PNLIPRP3: variants seen among roughly 807,000 people sequenced by gnomAD.
PNLIPRP3 encodes pancreatic lipase-related protein 3.
A neutral mutation model predicts 52.8 loss-of-function variants in PNLIPRP3; 58 were observed. The observed-to-expected ratio is 1.10, with a 90% CI of 0.89 to 1.37. The LOEUF is 1.37. PNLIPRP3 is among the 40% of genes most tolerant of loss of function. The pLI, the probability that PNLIPRP3 is intolerant of heterozygous loss-of-function variation, is 0.00. For synonymous variants in PNLIPRP3, 192 were observed against 185.0 expected, an observed-to-expected ratio of 1.04 and a Z score of -0.31; for missense variants, 593 against 561.6, an observed-to-expected ratio of 1.06 and a Z score of -0.57.
At chr10:116,476,035 G>T (rs1262866849) in intron 10 of PNLIPRP3, among the ~76,000 whole-genome samples, 1 of 152,110 alleles carries the variant, frequency 6.6e-6, no homozygotes, top group Non-Finnish European at 1.5e-5. Flanking sequence ...GAGAATTTTT[G>T]CATGATGGGG....
chr10:116,463,251 T>C (rs1295298149), intron 7 of PNLIPRP3, among the ~76,000 whole-genome samples: 2 of 152,160 alleles, frequency 1.3e-5, no homozygotes, highest in African/African-American at 4.8e-5. Context: ...GGGTCAGAAT[T>C]CAGGCAGAGT....
At chr10:116,469,801 A>G (rs1846337440) in intron 9 of PNLIPRP3, among the ~76,000 whole-genome samples, 1 of 152,160 alleles carries the variant, frequency 6.6e-6, no homozygotes, top group Admixed American at 6.5e-5. Context: ...CTTGTGTCCC[A>G]AGTGGAGAGG....
chr10:116,469,418 C>G, intron 9 of PNLIPRP3, 101 bp downstream of exon 9: 1 of 1,211,782 alleles, frequency 8.3e-7, no homozygotes, highest in Non-Finnish European at 1.1e-6. Context: ...GGGCATTAGG[C>G]CAGACTGGGA....
intron 9 of PNLIPRP3, 73 bp from the exon 10 acceptor site, chr10:116,471,695 G>T: frequency 8.8e-7 from 1 of 1,134,512 alleles, no homozygotes; most frequent in Non-Finnish European, 1.3e-6. Context: ...TCCATTAAAG[G>T]ATCCAGGAAG....
At chr10:116,463,348 TGAG>T (rs1801210146) in intron 7 of PNLIPRP3, among the ~76,000 whole-genome samples, 1 of 152,204 alleles carries the variant, frequency 6.6e-6, no homozygotes, top group Non-Finnish European at 1.5e-5. Context: ...CTAAGCTGGA[TGAG>T]GAGGTCTGAG....
chr10:116,459,724 C>T (rs1846164011), intron 5 of PNLIPRP3, among the ~76,000 whole-genome samples: 1 of 152,164 alleles, frequency 6.6e-6, no homozygotes, highest in Non-Finnish European at 1.5e-5. Context: ...CTTACCTTTG[C>T]CCTGGCCAAT....
At chr10:116,465,048 G>A (rs1846258427) in intron 7 of PNLIPRP3, among the ~76,000 whole-genome samples, 1 of 152,154 alleles carries the variant, frequency 6.6e-6, no homozygotes, top group Non-Finnish European at 1.5e-5. Context: ...TGGTGGAGAA[G>A]AGTTTTATCG....
rs71010080 is a variant in PNLIPRP3, at chr10:116,433,114, C to CAAAAAAAAAAAAAAAAAAAAAAAAAAA, written c.50-3591_50-3565dup. Among the ~76,000 whole-genome samples, 2 of 8,502 alleles carry CAAAAAAAAAAAAAAAAAAAAAAAAAAA rather than the reference C, an allele frequency of 2.4e-4. 1 individual carries two copies. Among genetic ancestry groups the CAAAAAAAAAAAAAAAAAAAAAAAAAAA allele is most frequent in the Non-Finnish European group, 3.7e-4 (2 of 5,360 alleles). The allele number at this position is 8,502 out of a possible 152,430, so 5.6% of individuals were successfully genotyped here. A position where few individuals can be genotyped will look rare whatever the true frequency, so the allele number is the denominator to read the frequency against. ...GAGCAACAAGAGTAAAACTCCATCT[C>CAAAAAAAAAAAAAAAAAAAAAAAAAAA]AAAAAAAAAAAAAAAAAAAAAAAAA... On this transcript the variant is annotated intron_variant, in intron 1 of 11. Transcript: ENST00000369230.
At chr10:116,448,984 C>A (rs998645796) in intron 4 of PNLIPRP3, among the ~76,000 whole-genome samples, 3 of 150,238 alleles carry the variant, frequency 2.0e-5, no homozygotes, top group Admixed American at 6.7e-5. Flanking sequence ...CCATTACACT[C>A]CAGCCTTGGC....
intron 4 of PNLIPRP3, among the ~76,000 whole-genome samples, chr10:116,454,150 G>A (rs539117716): frequency 2.0e-5 from 3 of 151,900 alleles, no homozygotes; most frequent in Non-Finnish European, 4.4e-5. Flanking sequence ...ACGGAGTTTC[G>A]CTCTGTTGCC....
intron 2 of PNLIPRP3, among the ~76,000 whole-genome samples, chr10:116,437,672 G>T (rs1005533455): frequency 1.3e-5 from 2 of 152,176 alleles, no homozygotes; most frequent in Non-Finnish European, 2.9e-5. Context: ...GGCTGCTGTT[G>T]CTCTCTTGTC....
intron 4 of PNLIPRP3, among the ~76,000 whole-genome samples, chr10:116,445,072 T>C (rs1173688629): frequency 6.6e-6 from 1 of 152,168 alleles, no homozygotes; most frequent in Non-Finnish European, 1.5e-5. Context: ...TAAAATGCAG[T>C]GTAGTAAAAT....
intron 1 of PNLIPRP3, among the ~76,000 whole-genome samples, chr10:116,431,024 G>A (rs1845702803): frequency 6.6e-6 from 1 of 152,000 alleles, no homozygotes; most frequent in Non-Finnish European, 1.5e-5. Flanking sequence ...ACAATTAATG[G>A]CCTTCCAGAT....
rs1228810276 is a variant in PNLIPRP3, at chr10:116,428,067, A to T, written c.49+6A>T. On this transcript the variant is annotated splice_donor_region_variant and intron_variant, in intron 1 of 11. Transcript: ENST00000369230. The stretch of plus-strand genomic sequence containing the variant: ...GTTCTTTGGCACATCAAGAGGTAAG[A>T]TTCATAATTTATAATAAGTTCTTTA... 21 of 1,591,670 alleles carry T rather than the reference A, an allele frequency of 1.3e-5. No homozygotes were observed. The highest frequency in any genetic ancestry group is 1.8e-5 in the Non-Finnish European group (21 of 1,161,390).
chr10:116,436,683 A>G (rs1342500223), intron 1 of PNLIPRP3, 28 bp from the exon 2 acceptor site: 4 of 1,581,306 alleles, frequency 2.5e-6, no homozygotes, highest in Non-Finnish European at 3.4e-6. Context: ...TGGTTCCTCT[A>G]TACTGACACT....
chr10:116,445,990 T>C (rs1455181381), intron 4 of PNLIPRP3, among the ~76,000 whole-genome samples: 1 of 152,150 alleles, frequency 6.6e-6, no homozygotes, highest in Non-Finnish European at 1.5e-5. Flanking sequence ...GGATAAGGGC[T>C]GAGAGTGATC....
In PNLIPRP3 at chr10:116,476,999, G is replaced by T. The variant is rs370512428; in HGVS notation, c.1341-91G>T. ...TATGTGCAGAAGTGTTAGAAAATAA[G>T]AATTACTCATTAAATCGGGGGATCT... On this transcript the variant is annotated intron_variant, in intron 11 of 11. Coordinates refer to ENST00000369230, the MANE Select transcript of PNLIPRP3 (RefSeq NM_001011709.3). 26 of 1,240,200 alleles carry T rather than the reference G, an allele frequency of 2.1e-5. 1 individual carries two copies. Among genetic ancestry groups the T allele is most frequent in the African/African-American group, 1.2e-4 (8 of 65,838 alleles). The allele number at this position is 1,240,200 out of a possible 1,614,324, so 76.8% of individuals were successfully genotyped here. A position where few individuals can be genotyped will look rare whatever the true frequency, so the allele number is the denominator to read the frequency against.
At chr10:116,468,050 G>A (rs981331416) in intron 8 of PNLIPRP3, among the ~76,000 whole-genome samples, 18 of 149,498 alleles carry the variant, frequency 1.2e-4, no homozygotes, top group African/African-American at 3.7e-4. Flanking sequence ...GCATCAACCC[G>A]GGAGGCGGAG....
At chr10:116,432,863 C>T (rs1049088306) in intron 1 of PNLIPRP3, among the ~76,000 whole-genome samples, 1 of 151,762 alleles carries the variant, frequency 6.6e-6, no homozygotes, top group Non-Finnish European at 1.5e-5. Context: ...GCCTGTAATC[C>T]CAGCACTTTG....
Sources: allele counts gnomAD v4.1 joint callset (sites outside exome capture counted in the v4.1 genomes callset), GRCh38; gene constraint gnomAD v4.1.1; transcripts MANE v1.5; gene names NCBI Gene and HGNC (gene_info 2026-07-23, HGNC 2026-07-21).